PRKCE: variants seen among roughly 807,000 people sequenced by gnomAD.
The protein encoded by PRKCE is protein kinase C epsilon, also known as protein kinase C epsilon type.
Under a neutral mutation model 85.4 loss-of-function variants are expected in PRKCE, and 16 were observed. The observed-to-expected ratio is 0.19, with a 90% CI of 0.13 to 0.28. The LOEUF (loss-of-function observed/expected upper bound fraction) is 0.28, where lower values mean the gene tolerates loss of function less well. Ranked by LOEUF, PRKCE falls within the 10% of genes least tolerant of loss-of-function variation. The probability of loss-of-function intolerance (pLI) is 1.00; values close to 1 mark genes in which losing one functional copy is unlikely to be tolerated. For missense variants in PRKCE, 573 were observed against 975.2 expected, an observed-to-expected ratio of 0.59 and a Z score of 5.49; for synonymous variants, 388 against 371.5, an observed-to-expected ratio of 1.04 and a Z score of -0.51.
rs997091379 is a variant in PRKCE, at chr2:45,851,576, A to G, written c.412+8513A>G. ...GGATGAGACATTTCTTGTCAAGCTTATTATTTTGTTTTTCTTTCCCATGTA... is the reference window on the plus strand; with the variant it reads ...GGATGAGACATTTCTTGTCAAGCTTGTTATTTTGTTTTTCTTTCCCATGTA... On this transcript the variant is annotated intron_variant, in intron 2 of 14. Transcript: ENST00000306156. 7 of 152,158 alleles carry G rather than the reference A, an allele frequency of 4.6e-5. 1 individual carries two copies. The highest frequency in any genetic ancestry group is 1.7e-4 in the African/African-American group (7 of 41,436). The allele number at this position is 152,158 out of a possible 1,614,324, so 9.4% of individuals were successfully genotyped here.
chr2:46,093,634 T>C (rs114882377), intron 11 of PRKCE, among the ~76,000 whole-genome samples: 1 of 151,686 alleles, frequency 6.6e-6, no homozygotes, highest in Non-Finnish European at 1.5e-5. Flanking sequence ...ATTTGAGCAA[T>C]CCTCTCACCT....
intron 1 of PRKCE, among the ~76,000 whole-genome samples, chr2:45,660,539 A>T (rs539325575): frequency 6.6e-6 from 1 of 152,210 alleles, no homozygotes; most frequent in Non-Finnish European, 1.5e-5. Context: ...GGCTTTAGAT[A>T]CAAAACCCTT....
chr2:45,967,566 G>A (rs1259119521), intron 2 of PRKCE, among the ~76,000 whole-genome samples: 1 of 152,164 alleles, frequency 6.6e-6, no homozygotes, highest in Non-Finnish European at 1.5e-5. Flanking sequence ...GGACTATGGT[G>A]CAAGCAGAAT....
At position 45,966,145 on chromosome 2, in the gene PRKCE, T is replaced by C. The variant is rs1701713332; in HGVS notation, c.413-10284T>C. 3.3e-5 allele frequency among the ~76,000 whole-genome samples: 5 copies of C among 152,220 alleles called. No homozygotes were observed. In the South Asian group the frequency reaches 1.0e-3, roughly 32 times the overall value. On this transcript the variant is annotated intron_variant, in intron 2 of 14. Transcript: ENST00000306156. ...CATTTACTGTTGGCTGCATGGCCTTTCACAAGACAGTTATTTAACCTCTTT... is the reference window on the plus strand; with the variant it reads ...CATTTACTGTTGGCTGCATGGCCTTCCACAAGACAGTTATTTAACCTCTTT...
intron 2 of PRKCE, among the ~76,000 whole-genome samples, chr2:45,854,336 A>G (rs74491919): frequency 2.0e-5 from 3 of 152,164 alleles, no homozygotes; most frequent in Admixed American, 6.5e-5. Flanking sequence ...GAGACAGATC[A>G]CCAAAACCCA....
At position 45,852,964 on chromosome 2, in the gene PRKCE, T is replaced by C. The variant is rs1421560142; in HGVS notation, c.412+9901T>C. Among the ~76,000 whole-genome samples the C allele has an allele frequency of 7.2e-5, 11 of 152,334 alleles. No homozygotes were observed. In the East Asian group the frequency reaches 2.1e-3, roughly 29 times the overall value. On this transcript the variant is annotated intron_variant, in intron 2 of 14. Transcript: ENST00000306156. ...AGGAGATGTCTGTGCTGCTGGTCCC[T>C]GAACCGCACTTGGAGTAGCAGGAGA... is the stretch of plus-strand genomic sequence containing the variant.
At chr2:45,723,010 A>G (rs1680748191) in intron 1 of PRKCE, among the ~76,000 whole-genome samples, 2 of 152,196 alleles carry the variant, frequency 1.3e-5, no homozygotes, top group South Asian at 4.1e-4. Flanking sequence ...CTGAGGAAGG[A>G]GAATCACTTG....
chr2:46,187,358 G>A lies in PRKCE; in HGVS notation c.*2477G>A, dbSNP rs1163856127. On this transcript the variant is annotated 3_prime_UTR_variant, in exon 15 of 15. Coordinates refer to ENST00000306156, the MANE Select transcript of PRKCE (RefSeq NM_005400.3). ...CCTTTTCAGCACCCAAAGCTGGGCT[G>A]GCTGGGATGCCTCTGGCTGGTGAAG... The A allele has an allele frequency of 6.6e-6, 1 of 152,410 alleles. No individual in the cohort carries two copies. Among genetic ancestry groups the A allele is most frequent in the Non-Finnish European group, 1.5e-5 (1 of 68,042 alleles). 9.4% of individuals were successfully genotyped at this position (152,410 alleles called of 1,614,324 possible). A position where few individuals can be genotyped will look rare whatever the true frequency, so the allele number is the denominator to read the frequency against.
At chr2:45,864,458 A>G (rs1184026797) in intron 2 of PRKCE, among the ~76,000 whole-genome samples, 1 of 151,532 alleles carries the variant, frequency 6.6e-6, no homozygotes, top group Non-Finnish European at 1.5e-5. Flanking sequence ...GTTATTTTTC[A>G]CTTGAAAGAA....
intron 2 of PRKCE, among the ~76,000 whole-genome samples, chr2:45,889,939 C>T (rs1308193536): frequency 6.6e-6 from 1 of 152,216 alleles, no homozygotes; most frequent in Non-Finnish European, 1.5e-5. Context: ...CTCAAATCCT[C>T]AGTGGTCAGT....
rs1190496035 is a variant in PRKCE, at chr2:45,905,669, T to A, written c.412+62606T>A. On this transcript the variant is annotated intron_variant, in intron 2 of 14. Transcript: ENST00000306156. This position sits in a 1 kb window ranked among gnomAD's most constrained non-coding sequence, Gnocchi z 4.4. ...GGGGCCCTAGCTGGGGAACCTCTGA[T>A]GCTGGGAGGGTGGATGCCAGGTGGT... 6.6e-6 allele frequency among the ~76,000 whole-genome samples: 1 copy of A among 152,194 alleles called. No homozygotes were observed. The highest frequency in any genetic ancestry group is 6.5e-5 in the Admixed American group (1 of 15,286).
chr2:46,072,892 T>C (rs1668197762), intron 10 of PRKCE, among the ~76,000 whole-genome samples: 1 of 152,102 alleles, frequency 6.6e-6, no homozygotes, highest in Non-Finnish European at 1.5e-5. Context: ...CAGAGAAAAA[T>C]GCAGTAGAAT....
At chr2:46,105,105 A>T (rs2104136890) in intron 11 of PRKCE, among the ~76,000 whole-genome samples, 1 of 151,948 alleles carries the variant, frequency 6.6e-6, no homozygotes, top group South Asian at 2.1e-4. Flanking sequence ...GATTTTCTTA[A>T]TGGTGTCTGA....
chr2:45,764,470 C>T (rs893815889), intron 1 of PRKCE, among the ~76,000 whole-genome samples: 13 of 152,156 alleles, frequency 8.5e-5, no homozygotes, highest in African/African-American at 2.9e-4. Context: ...GCTTCTGTTG[C>T]AATCAGGGTT....
chr2:45,960,323 A>G (rs900918607), intron 2 of PRKCE, among the ~76,000 whole-genome samples: 2 of 152,216 alleles, frequency 1.3e-5, no homozygotes, highest in Non-Finnish European at 2.9e-5. Context: ...AGTGATACTA[A>G]TCGTGTAGAA....
intron 12 of PRKCE, among the ~76,000 whole-genome samples, chr2:46,146,256 A>G (rs17034647): frequency 0.021 from 3,192 of 152,374 alleles, 102 homozygotes; most frequent in African/African-American, 0.071. Flanking sequence ...GTTCTGAGAC[A>G]TGTAAGATAG....
At chr2:45,674,298 A>G (rs1572903051) in intron 1 of PRKCE, among the ~76,000 whole-genome samples, 1 of 152,128 alleles carries the variant, frequency 6.6e-6, no homozygotes, top group African/African-American at 2.4e-5. Context: ...CCGTAATGAG[A>G]TATATAAGAC....
chr2:45,890,730 G>A (rs1333139953), intron 2 of PRKCE, among the ~76,000 whole-genome samples: 1 of 152,066 alleles, frequency 6.6e-6, no homozygotes, highest in East Asian at 1.9e-4. Flanking sequence ...ACTCATGAGG[G>A]GCTTTTCAGA....
At chr2:45,673,983 G>T (rs1362617740) in intron 1 of PRKCE, among the ~76,000 whole-genome samples, 1 of 152,168 alleles carries the variant, frequency 6.6e-6, no homozygotes, top group African/African-American at 2.4e-5. Flanking sequence ...TGCTCCTTCT[G>T]TTCACAAATC....
Sources: allele counts gnomAD v4.1 joint callset (sites outside exome capture counted in the v4.1 genomes callset), GRCh38; gene constraint gnomAD v4.1.1; non-coding constraint Gnocchi (gnomAD v3.1); transcripts MANE v1.5; gene names NCBI Gene and HGNC (gene_info 2026-07-23, HGNC 2026-07-21).